PAX3: variants seen among roughly 807,000 people sequenced by gnomAD.
PAX3 encodes paired box 3, also known as paired box protein Pax-3.
PAX3 carries 14 observed loss-of-function variants against 51.6 expected under a neutral mutation model. That is an observed-to-expected ratio of 0.27 (90% CI 0.18 to 0.42). The LOEUF is 0.42. PAX3 is among the 10% of genes least tolerant of loss of function. The pLI is 1.00. For missense variants in PAX3, 540 were observed against 642.8 expected, an observed-to-expected ratio of 0.84 and a Z score of 1.73; for synonymous variants, 280 against 253.4, an observed-to-expected ratio of 1.11 and a Z score of -1.00.
Position 222,200,018 on chromosome 2 carries a change from A to G in PAX3, c.*1390T>C. The G allele has an allele frequency of 4.9e-6, 1 of 203,176 alleles. No homozygotes were observed. Among genetic ancestry groups the G allele is most frequent in the Non-Finnish European group, 1.0e-5 (1 of 98,740 alleles). The allele number at this position is 203,176 out of a possible 1,614,324, so 12.6% of individuals were successfully genotyped here. A position where few individuals can be genotyped will look rare whatever the true frequency, so the allele number is the denominator to read the frequency against. On this transcript the variant is annotated 3_prime_UTR_variant, in exon 9 of 9. Transcript: ENST00000392070. ...AAGATAGTACTTCTCTTGTTCCATCACCCTCTAAGACCAATGCATGAACTA... is the reference window on the plus strand; with the variant it reads ...AAGATAGTACTTCTCTTGTTCCATCGCCCTCTAAGACCAATGCATGAACTA...
intron 4 of PAX3, chr2:222,293,514 C>T (rs1695123583): frequency 4.2e-6 from 4 of 951,556 alleles, no homozygotes; most frequent in South Asian, 1.6e-5. Context: ...AGGGTGCCAG[C>T]ACTCTAAGAA....
Position 222,275,166 on chromosome 2 carries a change from T to C in PAX3, c.586+19001A>G, listed in dbSNP as rs536531962. Among the ~76,000 whole-genome samples, 49 of 152,256 alleles carry C rather than the reference T, an allele frequency of 3.2e-4. 1 individual carries two copies. The highest frequency in any genetic ancestry group is 2.9e-3 in the Admixed American group (45 of 15,294). On this transcript the variant is annotated intron_variant, in intron 4 of 8. Coordinates refer to ENST00000392070, the MANE Select transcript of PAX3 (RefSeq NM_181458.4). ...AGTACAGGATAATCACTAAGAAAAA[T>C]AGAGACAAACTCATATGGTAAATAG...
intron 4 of PAX3, chr2:222,264,327 A>G (rs185363716): frequency 6.6e-6 from 1 of 152,348 alleles, no homozygotes; most frequent in Admixed American, 6.5e-5. Context: ...TATTTTTGTG[A>G]AATAACCAGA....
chr2:222,208,647 A>G (rs1691603192), intron 7 of PAX3, among the ~76,000 whole-genome samples: 1 of 152,096 alleles, frequency 6.6e-6, no homozygotes, highest in Admixed American at 6.6e-5. Context: ...TCTCACAACC[A>G]CTGTAGCCCT....
chr2:222,208,211 G>C (rs1423014826), intron 7 of PAX3, among the ~76,000 whole-genome samples: 1 of 152,054 alleles, frequency 6.6e-6, no homozygotes, highest in South Asian at 2.1e-4. Flanking sequence ...ATTTACGCAT[G>C]CCTGCATTTA....
intron 7 of PAX3, among the ~76,000 whole-genome samples, chr2:222,208,401 G>A (rs1039556076): frequency 6.6e-6 from 1 of 152,070 alleles, no homozygotes; most frequent in African/African-American, 2.4e-5. Flanking sequence ...AGTAAACTTG[G>A]GGGAGTTAAT....
At chr2:222,265,371 A>C (rs1694005929) in intron 4 of PAX3, among the ~76,000 whole-genome samples, 2 of 152,202 alleles carry the variant, frequency 1.3e-5, no homozygotes, top group Non-Finnish European at 2.9e-5. Flanking sequence ...TACTTGGAGC[A>C]AGATTTTTCT....
rs1273737303 is a variant in PAX3 at position 222,257,746 on chromosome 2, A to G, written c.587-25463T>C. Among the ~76,000 whole-genome samples, 27 of 152,234 alleles carry G rather than the reference A, an allele frequency of 1.8e-4. 1 individual carries two copies. The highest frequency in any genetic ancestry group is 1.8e-3 in the Admixed American group (27 of 15,278). On this transcript the variant is annotated intron_variant, in intron 4 of 8. Transcript: ENST00000392070. The stretch of plus-strand genomic sequence containing the variant: ...GGCCCTTCGCATCTGACAGCAGGGC[A>G]GAAGTCAGAAGTTGGGGCCTCCTGA...
intron 1 of PAX3, among the ~76,000 whole-genome samples, chr2:222,297,661 C>T (rs1695376817): frequency 6.6e-6 from 1 of 152,176 alleles, no homozygotes; most frequent in Non-Finnish European, 1.5e-5. Flanking sequence ...GCTGATAGCC[C>T]TTGGGGTTTC....
chr2:222,282,853 C>T (rs2106177896), intron 4 of PAX3, among the ~76,000 whole-genome samples: 1 of 152,260 alleles, frequency 6.6e-6, no homozygotes, highest in East Asian at 1.9e-4. Context: ...GAGGAATGTC[C>T]AGAAGGTAGT....
intron 4 of PAX3, among the ~76,000 whole-genome samples, chr2:222,283,395 A>T (rs545297348): frequency 1.3e-4 from 20 of 152,196 alleles, no homozygotes; most frequent in Non-Finnish European, 2.2e-4. Context: ...AATGGTCAAG[A>T]TACTGGCCAC....
chr2:222,242,164 T>C (rs1693040397), intron 4 of PAX3, among the ~76,000 whole-genome samples: 1 of 152,194 alleles, frequency 6.6e-6, no homozygotes, highest in African/African-American at 2.4e-5. Context: ...TATGTTTTTG[T>C]TACTACAACT....
chr2:222,216,227 C>A (rs1691952807), intron 7 of PAX3, among the ~76,000 whole-genome samples: 2 of 152,158 alleles, frequency 1.3e-5, no homozygotes, highest in African/African-American at 4.8e-5. Flanking sequence ...CTAGTAAGAA[C>A]TAGACAAGAC....
chr2:222,250,832 C>T (rs1182001035), intron 4 of PAX3, among the ~76,000 whole-genome samples: 1 of 152,194 alleles, frequency 6.6e-6, no homozygotes, highest in Non-Finnish European at 1.5e-5. Context: ...CATTTCTTCA[C>T]ACTTCCAAAT....
chr2:222,296,954 G>T (rs749322021), intron 2 of PAX3, 24 bp downstream of exon 2: 2 of 1,589,224 alleles, frequency 1.3e-6, no homozygotes, highest in Admixed American at 3.4e-5. Context: ...CTGGGAGCCA[G>T]GAGGGCAAGG....
chr2:222,261,010 T>A (rs746228445), intron 4 of PAX3, among the ~76,000 whole-genome samples: 2 of 152,212 alleles, frequency 1.3e-5, no homozygotes, highest in Non-Finnish European at 2.9e-5. Context: ...CAGCACCACA[T>A]CCTTCAATGC....
At chr2:222,295,178 A>G (rs913397427) in intron 3 of PAX3, among the ~76,000 whole-genome samples, 1 of 151,992 alleles carries the variant, frequency 6.6e-6, no homozygotes, top group Admixed American at 6.6e-5. Context: ...CGCGGGCCCC[A>G]TCTCCCTTCG....
At chr2:222,291,496 GGGAGAAAGCCACT>G (rs2106191736) in intron 4 of PAX3, among the ~76,000 whole-genome samples, 1 of 152,310 alleles carries the variant, frequency 6.6e-6, no homozygotes, top group East Asian at 1.9e-4. Context: ...AGGACCATCT[GGGAGAAAGCCACT>G]GGAGAGAAGA....
rs200928747 is a variant in PAX3, at chr2:222,298,545, C to A, written c.71G>T (p.Gly24Val). The A allele has an allele frequency of 1.9e-5, 31 of 1,605,202 alleles. No individual in the cohort carries two copies. The East Asian group carries it at 6.3e-4, about 33-fold the overall frequency. The change falls in exon 1 of 9, where the codon GGG (glycine) becomes GTG (valine). Residue 24 changes from glycine (G) to valine (V), a missense_variant. By Grantham distance (109) the Gly-to-Val change is moderately radical. Transcript: ENST00000392070. ...CCCTCCCTTACCTTCCAGCGGGAAC[C>A]CGCTACGCGGGTAGTTCTGCCCCGG... ...PGPGQNYPRS[G>V]FPLEVSTPLG...
Sources: gnomAD v4.1 joint callset for allele counts (sites outside exome capture counted in the v4.1 genomes callset) on GRCh38, gnomAD v4.1.1 for gene constraint, MANE v1.5 for transcripts, NCBI Gene and HGNC (gene_info 2026-07-23, HGNC 2026-07-21) for gene names.